Variants in NFATC2 observed in about 807,000 individuals in gnomAD.
The protein encoded by NFATC2 is nuclear factor of activated T cells 2.
In NFATC2, 22 loss-of-function variants were observed where a neutral mutation model predicts 87.3. The observed-to-expected ratio is 0.25, with a 90% confidence interval of 0.18 to 0.36. The LOEUF (loss-of-function observed/expected upper bound fraction) is 0.36, where lower values mean the gene tolerates loss of function less well. NFATC2 is among the 10% of genes least tolerant of loss of function. NFATC2 has a pLI of 1.00. For missense variants in NFATC2, 1,149 were observed against 1,259.1 expected (o/e 0.91, Z 1.32); for synonymous variants, 565 against 542.2 (o/e 1.04, Z -0.58).
At chr20:51,556,944 A>G (rs2076983723) in intron 1 of NFATC2, among the ~76,000 whole-genome samples, 1 of 152,098 alleles carries the variant, frequency 6.6e-6, no homozygotes, top group African/African-American at 2.4e-5. Context: ...GGAAGGGAAG[A>G]GATTCCCCTG....
At chr20:51,493,938 C>G (rs1410132697) in intron 3 of NFATC2, among the ~76,000 whole-genome samples, 1 of 152,182 alleles carries the variant, frequency 6.6e-6, no homozygotes, top group Non-Finnish European at 1.5e-5. Context: ...CACCTCTGAG[C>G]CCTCACCTCT....
intron 9 of NFATC2, among the ~76,000 whole-genome samples, chr20:51,415,596 T>C (rs149983509): frequency 2.1e-4 from 32 of 152,364 alleles, no homozygotes; most frequent in African/African-American, 7.7e-4. Flanking sequence ...ACAGCCAGCC[T>C]GGCTCACAGC....
In NFATC2 at chr20:51,527,065, A is replaced by AT. The variant is rs200719778; in HGVS notation, c.131-2956dup. 3.5e-3 allele frequency among the ~76,000 whole-genome samples: 527 copies of AT among 151,206 alleles called. 4 individuals are homozygous for AT. Among genetic ancestry groups the AT allele is most frequent in the African/African-American group, 0.012 (491 of 41,162 alleles). The stretch of plus-strand genomic sequence containing the variant: ...CAGTGCACACCACCGGGCTCAGCTA[A>AT]TTTTTTTTTATTTTTAGTAGACAGG... On this transcript the variant is annotated intron_variant, in intron 1 of 10. Coordinates refer to ENST00000371564, the MANE Select transcript of NFATC2 (RefSeq NM_012340.5).
At chr20:51,458,922 C>T (rs916488714) in intron 5 of NFATC2, among the ~76,000 whole-genome samples, 1 of 152,168 alleles carries the variant, frequency 6.6e-6, no homozygotes, top group Non-Finnish European at 1.5e-5. Flanking sequence ...GAGAATACAT[C>T]ATTAACTGCT....
chr20:51,391,818 A>C (rs1379447370), intron 10 of NFATC2, among the ~76,000 whole-genome samples: 1 of 151,488 alleles, frequency 6.6e-6, no homozygotes, highest in African/African-American at 2.4e-5. Flanking sequence ...GCCCATCTCT[A>C]TTTTTTTTAA....
At chr20:51,451,573 T>C (rs1365907962) in intron 6 of NFATC2, among the ~76,000 whole-genome samples, 2 of 152,100 alleles carry the variant, frequency 1.3e-5, no homozygotes, top group Non-Finnish European at 2.9e-5. Context: ...AGACCAGGGG[T>C]CTTCAATCCC....
intron 5 of NFATC2, among the ~76,000 whole-genome samples, chr20:51,457,886 C>CTT (rs11325400): frequency 1.9e-4 from 25 of 132,926 alleles, no homozygotes; most frequent in South Asian, 1.8e-3. Context: ...CCTCCTCGTC[C>CTT]TTTTTTTTTT....
intron 1 of NFATC2, among the ~76,000 whole-genome samples, chr20:51,540,663 T>TTTTTTTTTTTTTTTTTTTTTTG (rs1555818354): frequency 2.9e-5 from 4 of 135,690 alleles, no homozygotes; most frequent in African/African-American, 1.1e-4. Flanking sequence ...TTTTTGTTTT[T>TTTTTTTTTTTTTTTTTTTTTTG]TTTTTTTTGA....
At chr20:51,438,121 T>G (rs1165085732) in intron 6 of NFATC2, among the ~76,000 whole-genome samples, 2 of 152,198 alleles carry the variant, frequency 1.3e-5, no homozygotes, top group African/African-American at 4.8e-5. Flanking sequence ...ACAGAACTAG[T>G]CAGGGACAAT....
chr20:51,527,943 A>T (rs562026564), intron 1 of NFATC2, among the ~76,000 whole-genome samples: 114 of 150,960 alleles, frequency 7.6e-4, no homozygotes, highest in Non-Finnish European at 1.3e-3. Context: ...TAAAACAAAA[A>T]TTTTTTTTTC....
At chr20:51,415,430 A>G (rs1363528431) in intron 9 of NFATC2, among the ~76,000 whole-genome samples, 2 of 152,034 alleles carry the variant, frequency 1.3e-5, no homozygotes, top group African/African-American at 4.8e-5. Context: ...ATCTGGATGG[A>G]CCCGGCTTCC....
At chr20:51,558,228 G>A (rs1472363022) in intron 1 of NFATC2, among the ~76,000 whole-genome samples, 1 of 152,126 alleles carries the variant, frequency 6.6e-6, no homozygotes, top group East Asian at 1.9e-4. Flanking sequence ...TCCAGTCCCA[G>A]CTACCCAGCA....
At chr20:51,398,906 C>A in intron 9 of NFATC2, 176 bp from the exon 10 acceptor site, 1 of 594,746 alleles carries the variant, frequency 1.7e-6, no homozygotes, top group East Asian at 2.8e-5. Flanking sequence ...ATTAACCCAA[C>A]ACTAGGGTAA....
intron 9 of NFATC2, 59 bp from the exon 10 acceptor site, chr20:51,398,789 T>C (rs1568927091): frequency 8.5e-7 from 1 of 1,175,996 alleles, no homozygotes; most frequent in Non-Finnish European, 1.3e-6. Context: ...CTTTGATCTC[T>C]CTTACGCTTC....
Position 51,391,738 on chromosome 20 carries a change from A to T in NFATC2, c.*45-287T>A, listed in dbSNP as rs575396466. On this transcript the variant is annotated intron_variant, in intron 10 of 10. Transcript: ENST00000371564. Reference sequence around the variant, plus strand: ...ACTCTGTTGCCCAGGCTGGTCTCAAACTCCTGAGCTCAGGCGATCCTCCCA... The same window carrying T: ...ACTCTGTTGCCCAGGCTGGTCTCAATCTCCTGAGCTCAGGCGATCCTCCCA... Among the ~76,000 whole-genome samples the T allele has an allele frequency of 5.3e-5, 8 of 151,644 alleles. No homozygotes were observed. In the South Asian group the frequency reaches 1.5e-3, roughly 28 times the overall value.
intron 3 of NFATC2, among the ~76,000 whole-genome samples, chr20:51,483,092 C>A (rs564717935): frequency 6.6e-6 from 1 of 152,102 alleles, no homozygotes; most frequent in Admixed American, 6.5e-5. Flanking sequence ...CCAGCCCTTG[C>A]GTGCCCGTTC....
chr20:51,509,516 C>T (rs540969644), intron 3 of NFATC2, among the ~76,000 whole-genome samples: 1 of 152,190 alleles, frequency 6.6e-6, no homozygotes, highest in Non-Finnish European at 1.5e-5. Context: ...TTTCCCTTCC[C>T]CTCCCCAGGA....
chr20:51,431,952 G>T, intron 9 of NFATC2, 115 bp downstream of exon 9: 1 of 1,099,150 alleles, frequency 9.1e-7, no homozygotes, highest in South Asian at 2.2e-5. Flanking sequence ...AATTAAAATG[G>T]GGACACTGAG....
At chr20:51,401,592 AC>A (rs1239075462) in intron 9 of NFATC2, among the ~76,000 whole-genome samples, 17 of 152,256 alleles carry the variant, frequency 1.1e-4, no homozygotes, top group African/African-American at 3.9e-4. Flanking sequence ...CAGTATTTAG[AC>A]TTACTACATG....
Sources: allele counts gnomAD v4.1 joint callset (sites outside exome capture counted in the v4.1 genomes callset), GRCh38; gene constraint gnomAD v4.1.1; transcripts MANE v1.5; gene names NCBI Gene and HGNC (gene_info 2026-07-23, HGNC 2026-07-21).